The following SLC4A4 variants were observed in gnomAD, a reference collection of about 807,000 sequenced individuals.
The protein encoded by SLC4A4 is electrogenic sodium bicarbonate cotransporter 1.
Under a neutral mutation model 111.5 loss-of-function variants are expected in SLC4A4, and 27 were observed. The ratio of observed to expected loss-of-function variants is 0.24; its 90% CI spans 0.18 to 0.33. The LOEUF (loss-of-function observed/expected upper bound fraction) is 0.33. Among genes scored for constraint, SLC4A4 ranks in the 10% least tolerant of loss-of-function variants. The pLI is 1.00. For synonymous variants in SLC4A4, 443 were observed against 463.4 expected, an observed-to-expected ratio of 0.96 and a Z score of 0.57; for missense variants, 909 against 1,315.5, an observed-to-expected ratio of 0.69 and a Z score of 4.78.
chr4:71,166,055 T>C (rs906180507), intron 2 of SLC4A4, among the ~76,000 whole-genome samples: 7 of 152,286 alleles, frequency 4.6e-5, no homozygotes, highest in East Asian at 1.9e-4. Flanking sequence ...AAATTTCCTA[T>C]TGATAATGGA....
intron 7 of SLC4A4, among the ~76,000 whole-genome samples, chr4:71,429,326 A>C (rs144189182): frequency 5.1e-4 from 78 of 152,234 alleles, no homozygotes; most frequent in Middle Eastern, 3.4e-3. Context: ...TTCCATCATC[A>C]CATAGAACTG....
intron 3 of SLC4A4, among the ~76,000 whole-genome samples, chr4:71,292,600 G>C (rs574562442): frequency 1.3e-5 from 2 of 152,072 alleles, no homozygotes; most frequent in Admixed American, 1.3e-4. Context: ...GGATTGCCTG[G>C]GATTCTGAAA....
At chr4:71,516,352 C>T in intron 16 of SLC4A4, among the ~76,000 whole-genome samples, 1 of 152,058 alleles carries the variant, frequency 6.6e-6, no homozygotes, top group South Asian at 2.1e-4. Flanking sequence ...CTGCCTTGGC[C>T]TCCCAAAGTG....
At chr4:71,462,914 T>A (rs2149094130) in intron 12 of SLC4A4, among the ~76,000 whole-genome samples, 1 of 152,312 alleles carries the variant, frequency 6.6e-6, no homozygotes, top group African/African-American at 2.4e-5. Flanking sequence ...TCTGGGATTG[T>A]CTAACTCCAG....
intron 14 of SLC4A4, among the ~76,000 whole-genome samples, chr4:71,482,921 A>C (rs1454502186): frequency 6.6e-6 from 1 of 151,628 alleles, no homozygotes; most frequent in Non-Finnish European, 1.5e-5. Flanking sequence ...AACCCTGGGC[A>C]AGTAACTGGC....
chr4:71,554,563 G>A (rs1202696977), intron 20 of SLC4A4, among the ~76,000 whole-genome samples: 1 of 151,768 alleles, frequency 6.6e-6, no homozygotes, highest in Non-Finnish European at 1.5e-5. Flanking sequence ...GCTTCCAAGT[G>A]CTCCAAGGTC....
At chr4:71,472,519 A>G (rs888509630) in intron 13 of SLC4A4, among the ~76,000 whole-genome samples, 180 bp from the exon 14 acceptor site, 4 of 151,976 alleles carry the variant, frequency 2.6e-5, no homozygotes, top group African/African-American at 9.7e-5. Context: ...TATTTTAAAA[A>G]TTGTATCATT....
intron 16 of SLC4A4, among the ~76,000 whole-genome samples, chr4:71,506,876 A>G (rs533150142): frequency 8.5e-5 from 13 of 152,306 alleles, no homozygotes; most frequent in African/African-American, 2.6e-4. Context: ...AGGGAAGCCC[A>G]TGAGACCAAC....
chr4:71,164,175 G>A (rs1299025303), intron 2 of SLC4A4, among the ~76,000 whole-genome samples: 1 of 152,178 alleles, frequency 6.6e-6, no homozygotes, highest in Admixed American at 6.5e-5. Context: ...GAGGTCAGGA[G>A]TTTGAGACCA....
At chr4:71,368,254 A>G (rs949572418) in intron 6 of SLC4A4, among the ~76,000 whole-genome samples, 11 of 152,154 alleles carry the variant, frequency 7.2e-5, no homozygotes, top group African/African-American at 2.7e-4. Flanking sequence ...ATCTGGAGAA[A>G]CCATACTGTA....
intron 12 of SLC4A4, among the ~76,000 whole-genome samples, chr4:71,461,004 T>C (rs1329791583): frequency 6.6e-6 from 1 of 152,150 alleles, no homozygotes; most frequent in Non-Finnish European, 1.5e-5. Flanking sequence ...TCAAAATTCA[T>C]ATAGGTTAAT....
chr4:71,506,509 G>A (rs559915487), intron 16 of SLC4A4, among the ~76,000 whole-genome samples: 1 of 152,164 alleles, frequency 6.6e-6, no homozygotes, highest in Non-Finnish European at 1.5e-5. Flanking sequence ...TTGGTTTAAA[G>A]TAATGCTAGT....
At chr4:71,387,906 T>C (rs1211461104) in intron 6 of SLC4A4, among the ~76,000 whole-genome samples, 1 of 152,024 alleles carries the variant, frequency 6.6e-6, no homozygotes. Flanking sequence ...TGGAAGAGAG[T>C]AGACCAAACT....
intron 18 of SLC4A4, among the ~76,000 whole-genome samples, chr4:71,539,003 G>A (rs1287098259): frequency 1.3e-5 from 2 of 152,170 alleles, no homozygotes; most frequent in East Asian, 3.9e-4. Context: ...GTTATAGATT[G>A]GGGGTAGGAG....
intron 3 of SLC4A4, among the ~76,000 whole-genome samples, chr4:71,281,287 A>C (rs1723493887): frequency 6.6e-6 from 1 of 152,202 alleles, no homozygotes; most frequent in South Asian, 2.1e-4. Flanking sequence ...TTGGGGTCTG[A>C]GTCCAACTTT....
At chr4:71,550,964 C>G (rs568152576) in intron 20 of SLC4A4, among the ~76,000 whole-genome samples, 1 of 152,024 alleles carries the variant, frequency 6.6e-6, no homozygotes, top group Admixed American at 6.6e-5. Flanking sequence ...CCTCAAAGCA[C>G]TGAATCTAAC....
At chr4:71,072,940 G>GTATTAT (rs565674196) in intron 1 of SLC4A4, among the ~76,000 whole-genome samples, 4 of 151,126 alleles carry the variant, frequency 2.6e-5, no homozygotes, top group East Asian at 1.9e-4. Flanking sequence ...GTTAATTTTT[G>GTATTAT]TATTATTATT....
intron 12 of SLC4A4, among the ~76,000 whole-genome samples, chr4:71,454,185 C>A (rs936428368): frequency 2.0e-5 from 3 of 152,126 alleles, no homozygotes; most frequent in Non-Finnish European, 2.9e-5. Flanking sequence ...TGCAGGTGGA[C>A]CTGATTCTCA....
intron 4 of SLC4A4, among the ~76,000 whole-genome samples, chr4:71,343,910 T>A (rs908967899): frequency 7.2e-5 from 11 of 152,040 alleles, no homozygotes; most frequent in Admixed American, 5.9e-4. Flanking sequence ...AAATGTTCTG[T>A]CTTCCCTGAA....
Sources: gnomAD v4.1 joint callset for allele counts (sites outside exome capture counted in the v4.1 genomes callset) on GRCh38, gnomAD v4.1.1 for gene constraint, MANE v1.5 for transcripts, NCBI Gene and HGNC (gene_info 2026-07-23, HGNC 2026-07-21) for gene names.